The following FUT8 variants were observed in gnomAD, a reference collection of about 807,000 sequenced individuals.
FUT8 encodes fucosyltransferase 8.
In FUT8, 29 loss-of-function variants were observed where a neutral mutation model predicts 71.3. That is an observed-to-expected ratio of 0.41 (90% confidence interval 0.30 to 0.55). The LOEUF (loss-of-function observed/expected upper bound fraction) is 0.55, where lower values mean the gene tolerates loss of function less well. Among genes scored for constraint, FUT8 ranks in the 20% least tolerant of loss-of-function variants. FUT8 has a pLI of 0.34. For missense variants in FUT8, 544 were observed against 702.1 expected, an observed-to-expected ratio of 0.77 and a Z score of 2.55; for synonymous variants, 254 against 239.3, an observed-to-expected ratio of 1.06 and a Z score of -0.57.
intron 3 of FUT8, among the ~76,000 whole-genome samples, chr14:65,583,455 T>C (rs1478371803): frequency 6.6e-6 from 1 of 152,184 alleles, no homozygotes; most frequent in East Asian, 1.9e-4. Flanking sequence ...TTCATGTCAT[T>C]GTGAAAGGTA....
At chr14:65,692,686 C>T (rs1408702692) in intron 7 of FUT8, among the ~76,000 whole-genome samples, 3 of 145,340 alleles carry the variant, frequency 2.1e-5, no homozygotes, top group Non-Finnish European at 3.0e-5. Context: ...GGCTGCCAGG[C>T]GGAGGGGCTC....
chr14:65,366,394 A>G, the FUT8 span, among the ~76,000 whole-genome samples: 1 of 152,254 alleles, frequency 6.6e-6, no homozygotes, highest in East Asian at 1.9e-4. Flanking sequence ...AAGACTGGAC[A>G]TTGGAAAACT....
Position 65,742,456 on chromosome 14 carries a change from T to C in FUT8, c.*46T>C. The C allele has an allele frequency of 6.4e-7, 1 of 1,552,376 alleles. No individual in the cohort carries two copies. The highest frequency in any genetic ancestry group is 8.8e-7 in the Non-Finnish European group (1 of 1,140,652). On this transcript the variant is annotated 3_prime_UTR_variant, in exon 11 of 11. Transcript: ENST00000673929. ...ACGACCAAACTCAGTTCGACCAAAC[T>C]CAGTTCAAACCATTTCAGCCAAACT...
intron 9 of FUT8, among the ~76,000 whole-genome samples, chr14:65,731,055 C>G (rs958159620): frequency 6.6e-6 from 1 of 152,152 alleles, no homozygotes; most frequent in East Asian, 1.9e-4. Flanking sequence ...CCCTGTGAAA[C>G]AAAGAATCAG....
chr14:65,368,792 G>C, the FUT8 span, among the ~76,000 whole-genome samples: 1 of 152,070 alleles, frequency 6.6e-6, no homozygotes, highest in Admixed American at 6.5e-5. Context: ...AAAGTGCTGG[G>C]ATTACAGGCA....
chr14:65,547,830 A>G lies in FUT8; in HGVS notation c.-227-13507A>G, dbSNP rs538342578. On this transcript the variant is annotated intron_variant, in intron 2 of 10. Coordinates refer to ENST00000673929, the MANE Select transcript of FUT8 (RefSeq NM_001371533.1). ...CCTAATGTTAACATCTTACGTAGCC[A>G]TGGTACATTCATCTAAACTAATAAA... Among the ~76,000 whole-genome samples the G allele has an allele frequency of 7.8e-4, 119 of 152,030 alleles. No individual in the cohort carries two copies. In the South Asian group the frequency reaches 0.015, roughly 19 times the overall value.
chr14:65,488,338 A>G lies in FUT8; in HGVS notation c.-228+32620A>G, dbSNP rs368052837. 1.2e-4 allele frequency: 19 copies of G among 152,302 alleles called. 3 individuals are homozygous for G. The highest frequency in any genetic ancestry group is 4.3e-4 in the African/African-American group (18 of 41,556). 9.4% of individuals were successfully genotyped at this position (152,302 alleles called of 1,614,324 possible). ...TCTGTGATGATCCTAGTAGAAGTCA[A>G]ATGAGATCATTTTTGATAGTTGGTT... is the stretch of plus-strand genomic sequence containing the variant. On this transcript the variant is annotated intron_variant, in intron 2 of 10. Coordinates refer to ENST00000673929, the MANE Select transcript of FUT8 (RefSeq NM_001371533.1).
rs28637004 is a variant in FUT8, at chr14:65,561,346, C to T, written c.-218C>T. ...CTTACTCTTTCCACAGCATGTAGAG[C>T]GCATGAAGTACAGGACAATAAAGCT... is the stretch of plus-strand genomic sequence containing the variant. On this transcript the variant is annotated 5_prime_UTR_variant, in exon 3 of 11. Transcript: ENST00000673929. The T allele has an allele frequency of 1.0e-3, 545 of 540,364 alleles. 4 individuals are homozygous for T. The highest frequency in any genetic ancestry group is 7.1e-3 in the African/African-American group (374 of 53,004). 33.5% of individuals were successfully genotyped at this position (540,364 alleles called of 1,614,324 possible).
At chr14:65,685,228 C>T (rs972546661) in intron 7 of FUT8, among the ~76,000 whole-genome samples, 13 of 152,126 alleles carry the variant, frequency 8.5e-5, no homozygotes, top group African/African-American at 2.7e-4. Context: ...TGCAAAGTAC[C>T]GCTCCATTTC....
Position 65,664,955 on chromosome 14 carries a change from G to C in FUT8, c.598-4288G>C, listed in dbSNP as rs1040642661. 3.9e-4 allele frequency among the ~76,000 whole-genome samples: 55 copies of C among 141,494 alleles called. No homozygotes were observed. In the Admixed American group the frequency reaches 4.3e-3, roughly 11 times the overall value. 92.8% of individuals were successfully genotyped at this position (141,494 alleles called of 152,430 possible). A position where few individuals can be genotyped will look rare whatever the true frequency, so the allele number is the denominator to read the frequency against. ...AATAGCTCATCCAAATTAAAGCAGAGTTGAACTTTAGAATGGAAAAAAAAA... is the reference window on the plus strand; with the variant it reads ...AATAGCTCATCCAAATTAAAGCAGACTTGAACTTTAGAATGGAAAAAAAAA... On this transcript the variant is annotated intron_variant, in intron 6 of 10. Coordinates refer to ENST00000673929, the MANE Select transcript of FUT8 (RefSeq NM_001371533.1).
chr14:65,690,141 C>A (rs971518645), intron 7 of FUT8, among the ~76,000 whole-genome samples: 1 of 152,154 alleles, frequency 6.6e-6, no homozygotes, highest in Non-Finnish European at 1.5e-5. Flanking sequence ...GAAATACTAT[C>A]TTTTCTCCAT....
At chr14:65,676,452 A>G (rs890473622) in intron 7 of FUT8, among the ~76,000 whole-genome samples, 3 of 152,238 alleles carry the variant, frequency 2.0e-5, no homozygotes, top group African/African-American at 7.2e-5. Flanking sequence ...ATACTGATAT[A>G]CCTATTATGA....
intron 6 of FUT8, among the ~76,000 whole-genome samples, chr14:65,633,673 C>A (rs1347689486): frequency 6.6e-6 from 1 of 151,788 alleles, no homozygotes; most frequent in Non-Finnish European, 1.5e-5. Context: ...CCGGCCACGA[C>A]CCCGTCTGGG....
chr14:65,358,651 T>G, the FUT8 span, among the ~76,000 whole-genome samples: 1 of 152,118 alleles, frequency 6.6e-6, no homozygotes, highest in African/African-American at 2.4e-5. Flanking sequence ...GGTTTCTCCG[T>G]GTCGTCCAGG....
the FUT8 span, among the ~76,000 whole-genome samples, chr14:65,366,002 T>C: frequency 6.6e-6 from 1 of 152,120 alleles, no homozygotes; most frequent in Admixed American, 6.5e-5. Context: ...CATGCCCAGA[T>C]AGTTTTTGTA....
At chr14:65,598,804 T>C (rs1011870314) in intron 3 of FUT8, among the ~76,000 whole-genome samples, 17 of 152,268 alleles carry the variant, frequency 1.1e-4, no homozygotes, top group African/African-American at 2.9e-4. Flanking sequence ...ATATTTTTTT[T>C]CCCCTGAGGT....
rs757134441 is a variant in FUT8, at chr14:65,638,612, G to A, written c.597+9006G>A. Among the ~76,000 whole-genome samples the A allele has an allele frequency of 3.9e-5, 6 of 152,046 alleles. No individual in the cohort carries two copies. The highest frequency in any genetic ancestry group is 7.4e-5 in the Non-Finnish European group (5 of 67,994). On this transcript the variant is annotated intron_variant, in intron 6 of 10. Transcript: ENST00000673929. The surrounding 1 kb of genome is among the most constrained non-coding windows in gnomAD (Gnocchi z 4.5). ...GAATAAGGGGAATGTTAATGCTGGG[G>A]ATACATTATTGAGGCTATTAAACAT...
intron 10 of FUT8, among the ~76,000 whole-genome samples, chr14:65,736,921 A>G (rs1896244163): frequency 6.6e-6 from 1 of 152,120 alleles, no homozygotes; most frequent in South Asian, 2.1e-4. Flanking sequence ...TCTCCTATAC[A>G]CTATCCTTTC....
At chr14:65,368,978 A>T in the FUT8 span, among the ~76,000 whole-genome samples, 26 of 152,080 alleles carry the variant, frequency 1.7e-4, no homozygotes, top group African/African-American at 6.3e-4. Context: ...ACTTTTAATG[A>T]TATATTATGT....
Sources: allele counts gnomAD v4.1 joint callset (sites outside exome capture counted in the v4.1 genomes callset), GRCh38; gene constraint gnomAD v4.1.1; non-coding constraint Gnocchi (gnomAD v3.1); transcripts MANE v1.5; gene names NCBI Gene and HGNC (gene_info 2026-07-23, HGNC 2026-07-21).